The following TGIF1 variants were observed in gnomAD, a reference collection of about 807,000 sequenced individuals.
The protein encoded by TGIF1 is TGFB induced factor homeobox 1, also known as homeobox protein TGIF1.
Under a neutral mutation model 19.3 loss-of-function variants are expected in TGIF1, and 4 were observed. The ratio of observed to expected loss-of-function variants is 0.21; its 90% CI spans 0.10 to 0.47. TGIF1 has a LOEUF of 0.47. TGIF1 is among the 20% of genes least tolerant of loss of function. The pLI, the probability that TGIF1 is intolerant of heterozygous loss-of-function variation, is 0.98. For synonymous variants in TGIF1, 122 were observed against 129.3 expected, an observed-to-expected ratio of 0.94 and a Z score of 0.38; for missense variants, 275 against 341.4, an observed-to-expected ratio of 0.81 and a Z score of 1.53.
Position 3,457,955 on chromosome 18 carries a change from A to G in TGIF1, c.*15A>G, listed in dbSNP as rs1241852013. The G allele has an allele frequency of 2.5e-6, 4 of 1,598,258 alleles. No individual in the cohort carries two copies. The highest frequency in any genetic ancestry group is 3.4e-6 in the Non-Finnish European group (4 of 1,178,468). On this transcript the variant is annotated 3_prime_UTR_variant, in exon 3 of 3. Coordinates refer to ENST00000343820, the MANE Select transcript of TGIF1 (RefSeq NM_003244.4). This position sits in a 1 kb window ranked among gnomAD's most constrained non-coding sequence, Gnocchi z 4.9. Reference sequence around the variant, plus strand: ...TTACAGCTTAACCCATTTTCAAGCAAAACAGTTCTCAGAAATGTCATGATT... The same window carrying G: ...TTACAGCTTAACCCATTTTCAAGCAGAACAGTTCTCAGAAATGTCATGATT...
intron 2 of TGIF1, among the ~76,000 whole-genome samples, chr18:3,432,119 C>T: frequency 1.5e-5 from 1 of 68,496 alleles, no homozygotes; most frequent in Admixed American, 2.2e-4. Flanking sequence ...CAGAACAAAA[C>T]TGTCAAAAAA....
rs149903296 is a variant in TGIF1 at position 3,423,049 on chromosome 18, C to T, written c.-45+4834C>T. Among the ~76,000 whole-genome samples, 3 of 152,140 alleles carry T rather than the reference C, an allele frequency of 2.0e-5. 1 individual carries two copies. Among genetic ancestry groups the T allele is most frequent in the African/African-American group, 7.2e-5 (3 of 41,514 alleles). ...TGTTCTAGGTTTAGATAGATCAATA[C>T]TTACCATTGTGTTGCAATCACCTGC... On this transcript the variant is annotated intron_variant, in intron 2 of 3. Coordinates refer to the TGIF1 transcript ENST00000401449.
chr18:3,452,177 C>T, intron 1 of TGIF1: 2 of 1,613,402 alleles, frequency 1.2e-6, no homozygotes, highest in Non-Finnish European at 1.7e-6. Flanking sequence ...CGCCGTGGTC[C>T]TCCCTGGCGA....
intron 2 of TGIF1, among the ~76,000 whole-genome samples, chr18:3,437,415 T>C (rs2082627987): frequency 6.6e-6 from 1 of 152,160 alleles, no homozygotes. Flanking sequence ...TTTACCTATC[T>C]TGAAGTCCAA....
At chr18:3,424,055 G>A (rs2082439834) in intron 2 of TGIF1, among the ~76,000 whole-genome samples, 1 of 152,152 alleles carries the variant, frequency 6.6e-6, no homozygotes, top group Non-Finnish European at 1.5e-5. Flanking sequence ...TGTTCACACT[G>A]TGACACAGAG....
At position 3,456,454 on chromosome 18, in the gene TGIF1, G is replaced by C. The variant is rs2049357511; in HGVS notation, c.117G>C (p.Arg39Ser). 6.2e-7 allele frequency: 1 copy of C among 1,614,226 alleles called. No individual in the cohort carries two copies. The highest frequency in any genetic ancestry group is 8.5e-7 in the Non-Finnish European group (1 of 1,180,050). Residue 39 changes from arginine to serine, a missense_variant, in exon 2 of 3, where the codon AGG becomes AGC. Coordinates refer to ENST00000343820, the MANE Select transcript of TGIF1 (RefSeq NM_003244.4). The surrounding 1 kb of genome is among the most constrained non-coding windows in gnomAD (Gnocchi z 4.2). ...CTGGCTCAGGCAAGAGAAGGAGAAG[G>C]GGCAACCTACCCAAGGAGTCTGTGC... is the stretch of plus-strand genomic sequence containing the variant. ...SSAGSGKRRR[R>S]GNLPKESVQI... is the part of the protein sequence containing the mutation.
upstream of TGIF1, chr18:3,447,731 C>G: frequency 1.2e-6 from 2 of 1,614,154 alleles, no homozygotes; most frequent in East Asian, 4.5e-5. Context: ...CTTTAACAAC[C>G]GTTTGGATAT....
At chr18:3,445,391 C>T (rs888093094), upstream of TGIF1, among the ~76,000 whole-genome samples, 1 of 152,068 alleles carries the variant, frequency 6.6e-6, no homozygotes, top group Non-Finnish European at 1.5e-5. Flanking sequence ...TTAGTATATT[C>T]TCTCTTGCTT....
intron 2 of TGIF1, among the ~76,000 whole-genome samples, chr18:3,438,129 A>G (rs533014169): frequency 6.6e-5 from 10 of 152,268 alleles, no homozygotes; most frequent in African/African-American, 2.4e-4. Context: ...AAGTTAGTGT[A>G]GGTTGTTGTT....
chr18:3,429,818 T>C (rs146788960), intron 2 of TGIF1, among the ~76,000 whole-genome samples: 4 of 152,374 alleles, frequency 2.6e-5, no homozygotes, highest in African/African-American at 9.6e-5. Context: ...AAACAATCAC[T>C]ATTGTGTTTT....
At chr18:3,417,878 C>G (rs1323451544) in intron 1 of TGIF1, among the ~76,000 whole-genome samples, 1 of 152,070 alleles carries the variant, frequency 6.6e-6, no homozygotes, top group Non-Finnish European at 1.5e-5. Context: ...GTAGGAAGAT[C>G]CCTTGAGCCC....
chr18:3,440,799 C>T (rs1418883360), intron 2 of TGIF1, among the ~76,000 whole-genome samples: 1 of 152,174 alleles, frequency 6.6e-6, no homozygotes, highest in Admixed American at 6.6e-5. Context: ...TGTAGGCTCC[C>T]TGAGTCAGTC....
intron 2 of TGIF1, among the ~76,000 whole-genome samples, chr18:3,427,364 A>G (rs1172603338): frequency 6.7e-6 from 1 of 149,460 alleles, no homozygotes; most frequent in Non-Finnish European, 1.5e-5. Context: ...CAATTTCGGG[A>G]CACTGCAACC....
At chr18:3,427,265 C>T (rs12457600) in intron 2 of TGIF1, among the ~76,000 whole-genome samples, 17,483 of 150,692 alleles carry the variant, frequency 0.12, 1,241 homozygotes, top group African/African-American at 0.21. Context: ...TAAACTGATA[C>T]GGAGTGATTT....
At chr18:3,447,553 A>T, upstream of TGIF1, 1 of 716,536 alleles carries the variant, frequency 1.4e-6, no homozygotes, top group Non-Finnish European at 2.5e-6. Context: ...CGCTGACCCT[A>T]GGCACTTTCT....
Position 3,450,426 on chromosome 18 carries a change from T to C in TGIF1, c.-64T>C, listed in dbSNP as rs1275839784. The stretch of plus-strand genomic sequence containing the variant: ...GTGAAGGAGACGTTCGCTTATCCCC[T>C]GTGTCCCCGCTCCTGGCCCCTCCAG... On this transcript the variant is annotated 5_prime_UTR_variant, in exon 1 of 3. Transcript: ENST00000343820. 1.3e-6 allele frequency: 2 copies of C among 1,551,150 alleles called. No homozygotes were observed. Among genetic ancestry groups the C allele is most frequent in the African/African-American group, 1.4e-5 (1 of 73,020 alleles).
chr18:3,415,481 C>T (rs2082320716), intron 1 of TGIF1: 8 of 482,034 alleles, frequency 1.7e-5, no homozygotes, highest in Admixed American at 1.5e-4. Context: ...ACGGAAGGAG[C>T]AAGTCATGAG....
intron 1 of TGIF1, chr18:3,452,275 G>A: frequency 6.2e-7 from 1 of 1,610,586 alleles, no homozygotes; most frequent in Non-Finnish European, 8.5e-7. Context: ...CCGGAGCTGG[G>A]GACCAAGGCT....
intron 2 of TGIF1, among the ~76,000 whole-genome samples, chr18:3,432,583 A>G (rs1217890592): frequency 2.6e-5 from 4 of 152,202 alleles, no homozygotes; most frequent in East Asian, 1.9e-4. Context: ...AAAGGGCAAC[A>G]TATCTGCAGT....
Sources: gnomAD v4.1 joint callset for allele counts (sites outside exome capture counted in the v4.1 genomes callset) on GRCh38, gnomAD v4.1.1 for gene constraint, Gnocchi (gnomAD v3.1) non-coding constraint, MANE v1.5 for transcripts, NCBI Gene and HGNC (gene_info 2026-07-23, HGNC 2026-07-21) for gene names.